ZFPM2: variants seen among roughly 807,000 people sequenced by gnomAD.
ZFPM2 encodes the protein zinc finger protein, FOG family member 2, also known as zinc finger protein ZFPM2.
ZFPM2 carries 20 observed loss-of-function variants against 98.6 expected under a neutral mutation model. That is an observed-to-expected ratio of 0.20 (90% CI 0.14 to 0.29). The LOEUF (loss-of-function observed/expected upper bound fraction) is 0.29, where lower values mean the gene tolerates loss of function less well. Ranked by LOEUF, ZFPM2 falls within the 10% of genes least tolerant of loss-of-function variation. The pLI is 1.00. For synonymous variants in ZFPM2, 518 were observed against 502.7 expected (o/e 1.03, Z -0.41); for missense variants, 1,310 against 1,388.6 (o/e 0.94, Z 0.90).
At chr8:105,795,523 G>A (rs754671717) in intron 6 of ZFPM2, among the ~76,000 whole-genome samples, 6 of 149,400 alleles carry the variant, frequency 4.0e-5, no homozygotes, top group Admixed American at 6.7e-5. Context: ...AACAAAATAC[G>A]AAATCAAAGT....
intron 5 of ZFPM2, among the ~76,000 whole-genome samples, chr8:105,713,323 C>A (rs1811446377): frequency 6.6e-6 from 1 of 151,894 alleles, no homozygotes; most frequent in African/African-American, 2.4e-5. Flanking sequence ...TGTATTTCTT[C>A]TTTTGAAGAG....
intron 5 of ZFPM2, among the ~76,000 whole-genome samples, chr8:105,728,746 T>G (rs1811867710): frequency 6.6e-6 from 1 of 151,828 alleles, no homozygotes; most frequent in Non-Finnish European, 1.5e-5. Context: ...GTCTTCAAAT[T>G]AAGTTCCCTA....
chr8:105,440,158 A>C (rs1000453432), intron 2 of ZFPM2, among the ~76,000 whole-genome samples: 1 of 152,174 alleles, frequency 6.6e-6, no homozygotes, highest in Non-Finnish European at 1.5e-5. Context: ...AGTACTTGCT[A>C]CCCTTTCTAA....
At position 105,796,562 on chromosome 8, in the gene ZFPM2, T is replaced by G. The variant is rs941110059; in HGVS notation, c.740-2162T>G. Among the ~76,000 whole-genome samples, 10 of 152,344 alleles carry G rather than the reference T, an allele frequency of 6.6e-5. 1 individual carries two copies. The Middle Eastern group carries it at 0.01, about 155-fold the overall frequency. On this transcript the variant is annotated intron_variant, in intron 6 of 7. Transcript: ENST00000407775. ...TGAAACTCTATTATTATACTTACTA[T>G]CCTTACTTCCCTTTCATTCACTAGA...
At chr8:105,783,639 CTGTT>C (rs1352927830) in intron 5 of ZFPM2, among the ~76,000 whole-genome samples, 1 of 152,172 alleles carries the variant, frequency 6.6e-6, no homozygotes, top group Admixed American at 6.5e-5. Context: ...GAATCATACA[CTGTT>C]TGTCTTTTTG....
chr8:105,327,764 C>A (rs1563605172), intron 1 of ZFPM2, among the ~76,000 whole-genome samples: 2 of 151,738 alleles, frequency 1.3e-5, no homozygotes, highest in Non-Finnish European at 3.0e-5. Context: ...AATTCACTGA[C>A]AAAATCTGTC....
chr8:105,511,283 C>T (rs1813812321), intron 3 of ZFPM2, among the ~76,000 whole-genome samples: 3 of 152,210 alleles, frequency 2.0e-5, no homozygotes, highest in South Asian at 2.1e-4. Context: ...CAAATCTTCT[C>T]CCAGGAAAGA....
chr8:105,709,546 G>T (rs2130972780), intron 5 of ZFPM2, among the ~76,000 whole-genome samples: 1 of 152,164 alleles, frequency 6.6e-6, no homozygotes, highest in Non-Finnish European at 1.5e-5. Context: ...TTAAAAAAAT[G>T]TATGCCACTA....
At chr8:105,636,170 C>G (rs1037946284) in intron 5 of ZFPM2, among the ~76,000 whole-genome samples, 5 of 152,102 alleles carry the variant, frequency 3.3e-5, no homozygotes, top group African/African-American at 1.2e-4. Context: ...ATTTTGGAAC[C>G]ATCTGAAAGA....
intron 5 of ZFPM2, among the ~76,000 whole-genome samples, chr8:105,697,962 G>T (rs1811057715): frequency 6.6e-6 from 1 of 152,146 alleles, no homozygotes; most frequent in Admixed American, 6.5e-5. Context: ...ACAAGGAGAA[G>T]AAGGGTTAGC....
chr8:105,453,410 G>A (rs1224604502), intron 3 of ZFPM2, among the ~76,000 whole-genome samples: 1 of 152,178 alleles, frequency 6.6e-6, no homozygotes, highest in Non-Finnish European at 1.5e-5. Flanking sequence ...GGTAGAAAGA[G>A]ATTCAGTAAT....
chr8:105,440,675 C>G (rs937534935), intron 2 of ZFPM2, among the ~76,000 whole-genome samples: 1 of 152,062 alleles, frequency 6.6e-6, no homozygotes, highest in Non-Finnish European at 1.5e-5. Flanking sequence ...TCAAAAGACA[C>G]GAGAGAAGAT....
At chr8:105,571,990 A>G (rs1365668563) in intron 4 of ZFPM2, among the ~76,000 whole-genome samples, 1 of 144,956 alleles carries the variant, frequency 6.9e-6, no homozygotes, top group Non-Finnish European at 1.5e-5. Flanking sequence ...CTCTGTGTTG[A>G]TGCTGTGTGG....
At chr8:105,777,427 T>A (rs915541986) in intron 5 of ZFPM2, among the ~76,000 whole-genome samples, 17 of 152,160 alleles carry the variant, frequency 1.1e-4, no homozygotes, top group African/African-American at 2.9e-4. Context: ...AATAATTTTT[T>A]AAAAAAATCT....
At chr8:105,578,366 G>T (rs1815513591) in intron 4 of ZFPM2, among the ~76,000 whole-genome samples, 1 of 151,774 alleles carries the variant, frequency 6.6e-6, no homozygotes, top group African/African-American at 2.4e-5. Flanking sequence ...TAGCTAATCA[G>T]TTACTACAAT....
intron 3 of ZFPM2, among the ~76,000 whole-genome samples, chr8:105,522,044 TGTAA>T (rs750872414): frequency 2.4e-4 from 36 of 152,318 alleles, no homozygotes; most frequent in Non-Finnish European, 4.3e-4. Flanking sequence ...TTCATGCATG[TGTAA>T]GTATTTGGTG....
rs530590986 is a variant in ZFPM2 at position 105,724,176 on chromosome 8, T to C, written c.533-64542T>C. Among the ~76,000 whole-genome samples, 5 of 151,976 alleles carry C rather than the reference T, an allele frequency of 3.3e-5. No individual in the cohort carries two copies. The South Asian group carries it at 1.0e-3, about 32-fold the overall frequency. ...CTGCACTCACATAAAACCTGTATTT[T>C]TAATATGAGCTAAAAAAGTATTTCA... On this transcript the variant is annotated intron_variant, in intron 5 of 7. Coordinates refer to ENST00000407775, the MANE Select transcript of ZFPM2 (RefSeq NM_012082.4).
At chr8:105,754,946 A>ATG (rs34267329) in intron 5 of ZFPM2, among the ~76,000 whole-genome samples, 26,911 of 146,356 alleles carry the variant, frequency 0.18, 2,712 homozygotes, top group Admixed American at 0.27. Flanking sequence ...GAAATTTAAT[A>ATG]TGTGTGTGTG....
chr8:105,451,313 G>A (rs540367706), intron 3 of ZFPM2, among the ~76,000 whole-genome samples: 1 of 152,128 alleles, frequency 6.6e-6, no homozygotes, highest in East Asian at 1.9e-4. Flanking sequence ...TATCTTATGG[G>A]CCCCCAAATA....
Sources: allele counts gnomAD v4.1 joint callset (sites outside exome capture counted in the v4.1 genomes callset), GRCh38; gene constraint gnomAD v4.1.1; transcripts MANE v1.5; gene names NCBI Gene and HGNC (gene_info 2026-07-23, HGNC 2026-07-21).